EXOC2: variants seen among roughly 807,000 people sequenced by gnomAD.
The protein encoded by EXOC2 is SEC5-like 1.
Under a neutral mutation model 131.8 loss-of-function variants are expected in EXOC2, and 70 were observed. The ratio of observed to expected loss-of-function variants is 0.53; its 90% CI spans 0.44 to 0.65. EXOC2 has a LOEUF of 0.65. Among genes scored for constraint, EXOC2 ranks in the 30% least tolerant of loss-of-function variants. The pLI is 0.00. For synonymous variants in EXOC2, 411 were observed against 398.4 expected, an observed-to-expected ratio of 1.03 and a Z score of -0.38; for missense variants, 923 against 1,108.6, an observed-to-expected ratio of 0.83 and a Z score of 2.38.
intron 22 of EXOC2, among the ~76,000 whole-genome samples, chr6:533,304 C>A (rs945728347): frequency 4.6e-5 from 7 of 152,150 alleles, no homozygotes. Context: ...CAGTAAACTA[C>A]AATTAAAAAG....
intron 5 of EXOC2, among the ~76,000 whole-genome samples, chr6:618,384 A>G (rs987538675): frequency 6.6e-6 from 1 of 152,348 alleles, no homozygotes; most frequent in African/African-American, 2.4e-5. Flanking sequence ...TCTCATCTCA[A>G]TATCTAAAGC....
intron 5 of EXOC2, among the ~76,000 whole-genome samples, chr6:619,052 G>C (rs9504468): frequency 0.016 from 2,509 of 152,274 alleles, 68 homozygotes; most frequent in African/African-American, 0.057. Flanking sequence ...TATGGTCAGA[G>C]AAGGCAGTGT....
chr6:494,440 C>T (rs1348953995), intron 25 of EXOC2, among the ~76,000 whole-genome samples: 7 of 74,590 alleles, frequency 9.4e-5, no homozygotes, highest in Non-Finnish European at 2.1e-4. Flanking sequence ...TATTTGCACC[C>T]GTTTTTTTTT....
intron 4 of EXOC2, among the ~76,000 whole-genome samples, chr6:627,512 T>A (rs1418068167): frequency 3.9e-5 from 6 of 152,232 alleles, no homozygotes; most frequent in African/African-American, 1.4e-4. Flanking sequence ...GATCATTGGC[T>A]ATTCTGAGTC....
chr6:673,095 A>C (rs1283840684), intron 1 of EXOC2, among the ~76,000 whole-genome samples: 1 of 151,750 alleles, frequency 6.6e-6, no homozygotes, highest in Non-Finnish European at 1.5e-5. Context: ...CCCCATCTCT[A>C]CTAAAAATAC....
At chr6:534,488 CA>C (rs1049960818) in intron 22 of EXOC2, among the ~76,000 whole-genome samples, 2 of 151,770 alleles carry the variant, frequency 1.3e-5, no homozygotes, top group African/African-American at 4.8e-5. Context: ...GCTTCTAGAT[CA>C]AAACAATAAT....
chr6:592,420 C>T, intron 11 of EXOC2, 49 bp downstream of exon 11: 1 of 1,480,414 alleles, frequency 6.8e-7, no homozygotes, highest in African/African-American at 1.4e-5. Context: ...CAGAATGCAT[C>T]AAAATGACAT....
At chr6:687,905 T>A (rs925557999) in intron 1 of EXOC2, among the ~76,000 whole-genome samples, 2 of 152,236 alleles carry the variant, frequency 1.3e-5, no homozygotes, top group African/African-American at 4.8e-5. Context: ...TTTTCTGTTT[T>A]ACTTTATTCT....
At chr6:685,844 T>A (rs1161254528) in intron 1 of EXOC2, among the ~76,000 whole-genome samples, 5 of 149,826 alleles carry the variant, frequency 3.3e-5, no homozygotes, top group African/African-American at 1.2e-4. Flanking sequence ...AGGTAAGAAG[T>A]AATGTATCCT....
rs550416714 is a variant in EXOC2, at chr6:527,698, T to C, written c.2380+4771A>G. 6.6e-4 allele frequency among the ~76,000 whole-genome samples: 101 copies of C among 152,366 alleles called. 3 individuals carry two copies. The highest frequency in any genetic ancestry group is 1.0e-3 in the Non-Finnish European group (70 of 68,026). On this transcript the variant is annotated intron_variant, in intron 23 of 27. Coordinates refer to ENST00000230449, the MANE Select transcript of EXOC2 (RefSeq NM_018303.6). ...CTAGACATACTCATGTCACAAATTA[T>C]ATAAAGTTTTCCCTTTCCCATTATA...
chr6:611,524 G>A lies in EXOC2; in HGVS notation c.662-1346C>T, dbSNP rs563001919. Among the ~76,000 whole-genome samples, 100 of 152,282 alleles carry A rather than the reference G, an allele frequency of 6.6e-4. 2 individuals carry two copies. In the South Asian group the frequency reaches 0.014, roughly 21 times the overall value. On this transcript the variant is annotated intron_variant, in intron 6 of 27. Transcript: ENST00000230449. ...CAAGATGAGGTGACCCTGGCCCCCC[G>A]GCTCAGTTTACAGCCCTTTTTGCTG... is the stretch of plus-strand genomic sequence containing the variant.
At chr6:662,422 A>T (rs1763462777) in intron 1 of EXOC2, among the ~76,000 whole-genome samples, 1 of 152,254 alleles carries the variant, frequency 6.6e-6, no homozygotes, top group Non-Finnish European at 1.5e-5. Context: ...GAGCCTCAAT[A>T]AATTTAAGAA....
chr6:494,236 CTT>C (rs1763593863), intron 25 of EXOC2, among the ~76,000 whole-genome samples: 2 of 152,326 alleles, frequency 1.3e-5, no homozygotes, highest in Middle Eastern at 3.4e-3. Context: ...GCTCTCTGCT[CTT>C]TTTCTTTCCC....
intron 3 of EXOC2, among the ~76,000 whole-genome samples, chr6:631,802 A>G (rs1258516972): frequency 6.6e-6 from 1 of 152,188 alleles, no homozygotes; most frequent in Non-Finnish European, 1.5e-5. Context: ...GAAATGTTAT[A>G]TATGTATATA....
At chr6:535,917 T>C (rs1561828758) in intron 22 of EXOC2, among the ~76,000 whole-genome samples, 1 of 152,174 alleles carries the variant, frequency 6.6e-6, no homozygotes, top group African/African-American at 2.4e-5. Flanking sequence ...AAATAGAAAC[T>C]ATAAATAAAT....
chr6:517,134 C>T (rs988127722), intron 23 of EXOC2, among the ~76,000 whole-genome samples: 10 of 152,094 alleles, frequency 6.6e-5, no homozygotes, highest in African/African-American at 2.4e-4. Context: ...TGGGGGTAGA[C>T]AGGGTGGACA....
chr6:529,515 G>A (rs1765950529), intron 23 of EXOC2, among the ~76,000 whole-genome samples: 1 of 152,162 alleles, frequency 6.6e-6, no homozygotes, highest in Admixed American at 6.5e-5. Flanking sequence ...GAAACTCGGT[G>A]GCCCATTCTA....
intron 23 of EXOC2, among the ~76,000 whole-genome samples, chr6:522,869 A>T (rs971584903): frequency 3.9e-5 from 6 of 152,240 alleles, no homozygotes; most frequent in African/African-American, 1.4e-4. Context: ...CTGAGTACAG[A>T]TGACCAGGAA....
intron 11 of EXOC2, among the ~76,000 whole-genome samples, chr6:581,892 G>C (rs1023685395): frequency 6.6e-6 from 1 of 151,942 alleles, no homozygotes; most frequent in African/African-American, 2.4e-5. Flanking sequence ...CTAATTTTAA[G>C]TATGCAGATA....
Sources: gnomAD v4.1 joint callset for allele counts (sites outside exome capture counted in the v4.1 genomes callset) on GRCh38, gnomAD v4.1.1 for gene constraint, MANE v1.5 for transcripts, NCBI Gene and HGNC (gene_info 2026-07-23, HGNC 2026-07-21) for gene names.